PACRG: variants seen among roughly 807,000 people sequenced by gnomAD.
The protein encoded by PACRG is parkin coregulated gene protein.
In PACRG, 29 loss-of-function variants were observed where a neutral mutation model predicts 29.7. That is an observed-to-expected ratio of 0.98 (90% CI 0.73 to 1.33). PACRG has a LOEUF of 1.33. Among genes scored for constraint, PACRG ranks in the 40% most tolerant of loss-of-function variants. The probability of loss-of-function intolerance (pLI) is 0.00; values close to 1 mark genes in which losing one functional copy is unlikely to be tolerated. For synonymous variants in PACRG, 116 were observed against 118.7 expected (o/e 0.98, Z 0.15); for missense variants, 279 against 316.2 (o/e 0.88, Z 0.89).
chr6:162,835,092 A>G (rs1455386015), intron 2 of PACRG, among the ~76,000 whole-genome samples: 1 of 152,034 alleles, frequency 6.6e-6, no homozygotes, highest in Non-Finnish European at 1.5e-5. Flanking sequence ...ATTTCCTTCC[A>G]TTGTTTGAAG....
At chr6:162,794,770 C>A (rs1785236255) in intron 1 of PACRG, among the ~76,000 whole-genome samples, 1 of 152,148 alleles carries the variant, frequency 6.6e-6, no homozygotes, top group Admixed American at 6.5e-5. Context: ...TTATTGAACA[C>A]CTGTTCTGTA....
chr6:162,936,537 A>G (rs1181911237), intron 2 of PACRG, among the ~76,000 whole-genome samples: 3 of 152,232 alleles, frequency 2.0e-5, no homozygotes, highest in Non-Finnish European at 4.4e-5. Flanking sequence ...TGGTAGTGAG[A>G]GGACATTCTG....
chr6:163,145,629 G>A (rs1035349319), intron 4 of PACRG, among the ~76,000 whole-genome samples: 1 of 152,222 alleles, frequency 6.6e-6, no homozygotes, highest in Non-Finnish European at 1.5e-5. Flanking sequence ...TGGCCATGCT[G>A]CTGAACATCC....
chr6:162,767,168 C>G (rs1439462699), intron 1 of PACRG, among the ~76,000 whole-genome samples: 1 of 151,770 alleles, frequency 6.6e-6, no homozygotes, highest in Non-Finnish European at 1.5e-5. Flanking sequence ...TCCATATGTT[C>G]TATATTTTAT....
chr6:162,819,736 C>T (rs967752155), intron 2 of PACRG, among the ~76,000 whole-genome samples: 16 of 152,188 alleles, frequency 1.1e-4, no homozygotes, highest in African/African-American at 2.7e-4. Context: ...TCTCTTGCTT[C>T]GTAGGCCTCA....
At chr6:163,308,873 A>G (rs994964830) in intron 4 of PACRG, among the ~76,000 whole-genome samples, 1 of 152,204 alleles carries the variant, frequency 6.6e-6, no homozygotes. Flanking sequence ...AGCCAGCTTT[A>G]GCTGTGACTG....
Position 162,865,755 on chromosome 6 carries a change from G to T in PACRG, c.291+51474G>T, listed in dbSNP as rs560310084. On this transcript the variant is annotated intron_variant, in intron 2 of 4. Transcript: ENST00000366888. ...GCATTCAGAAAGGCTCGAATTAACTGGAACATAGCTAAATAGAACCTTTAA... is the reference window on the plus strand; with the variant it reads ...GCATTCAGAAAGGCTCGAATTAACTTGAACATAGCTAAATAGAACCTTTAA... Among the ~76,000 whole-genome samples, 198 of 152,044 alleles carry T rather than the reference G, an allele frequency of 1.3e-3. 1 individual carries two copies. Among genetic ancestry groups the T allele is most frequent in the African/African-American group, 4.7e-3 (193 of 41,492 alleles).
At chr6:162,818,617 A>G (rs555661752) in intron 2 of PACRG, among the ~76,000 whole-genome samples, 35 of 152,342 alleles carry the variant, frequency 2.3e-4, no homozygotes, top group African/African-American at 7.9e-4. Flanking sequence ...AAATAACTAT[A>G]TCATATTATA....
chr6:163,298,424 G>C (rs565855592), intron 4 of PACRG, among the ~76,000 whole-genome samples: 1 of 152,206 alleles, frequency 6.6e-6, no homozygotes, highest in African/African-American at 2.4e-5. Flanking sequence ...GCAGGCACCC[G>C]TATGTGTTGC....
At chr6:162,846,730 G>A (rs1309254991) in intron 2 of PACRG, among the ~76,000 whole-genome samples, 1 of 152,160 alleles carries the variant, frequency 6.6e-6, no homozygotes, top group Admixed American at 6.5e-5. Context: ...TCCACTTTTG[G>A]CTTTTTGTAG....
At chr6:163,004,189 A>G (rs1346498835) in intron 2 of PACRG, among the ~76,000 whole-genome samples, 2 of 150,956 alleles carry the variant, frequency 1.3e-5, no homozygotes, top group Non-Finnish European at 3.0e-5. Flanking sequence ...TAATATTTGA[A>G]CATATATATT....
chr6:162,792,876 G>A (rs536526827), intron 1 of PACRG, among the ~76,000 whole-genome samples: 2 of 152,282 alleles, frequency 1.3e-5, no homozygotes, highest in East Asian at 3.9e-4. Context: ...CCATTCAGGA[G>A]CCAGAATGCA....
intron 2 of PACRG, among the ~76,000 whole-genome samples, chr6:162,965,748 T>C (rs1800971599): frequency 6.6e-6 from 1 of 152,206 alleles, no homozygotes; most frequent in Admixed American, 6.5e-5. Context: ...TCATGGAAAC[T>C]CACAGCCAAT....
At chr6:162,957,207 G>C (rs1394147115) in intron 2 of PACRG, 11 of 385,590 alleles carry the variant, frequency 2.9e-5, no homozygotes, top group Non-Finnish European at 5.6e-5. Context: ...GTGGGGCCCA[G>C]CTTATGCCTT....
At chr6:163,215,167 G>C (rs755894211) in intron 4 of PACRG, among the ~76,000 whole-genome samples, 3 of 151,698 alleles carry the variant, frequency 2.0e-5, no homozygotes, top group Non-Finnish European at 4.4e-5. Context: ...ATTATGTAAA[G>C]ATTTTTGTAA....
At chr6:162,838,733 C>A (rs1366259306) in intron 2 of PACRG, among the ~76,000 whole-genome samples, 27 of 102,430 alleles carry the variant, frequency 2.6e-4, no homozygotes, top group African/African-American at 1.0e-3. Flanking sequence ...CCAATGCTAT[C>A]CCTCCCCCCT....
chr6:163,193,460 G>C (rs1780307498), intron 4 of PACRG, among the ~76,000 whole-genome samples: 1 of 152,114 alleles, frequency 6.6e-6, no homozygotes, highest in Non-Finnish European at 1.5e-5. Flanking sequence ...CTCTGATTAA[G>C]TGTGGAAAAC....
chr6:163,003,423 A>G (rs1248851441), intron 2 of PACRG, among the ~76,000 whole-genome samples: 2 of 152,334 alleles, frequency 1.3e-5, no homozygotes, highest in Middle Eastern at 3.4e-3. Context: ...AGGGAAGAGG[A>G]AATTGAGCCT....
At chr6:163,038,818 C>T (rs1808434468) in intron 2 of PACRG, among the ~76,000 whole-genome samples, 1 of 152,140 alleles carries the variant, frequency 6.6e-6, no homozygotes, top group Non-Finnish European at 1.5e-5. Flanking sequence ...GCTCTCTGAG[C>T]TGGGTGCAAA....
Sources: gnomAD v4.1 joint callset for allele counts (sites outside exome capture counted in the v4.1 genomes callset) on GRCh38, gnomAD v4.1.1 for gene constraint, MANE v1.5 for transcripts, NCBI Gene and HGNC (gene_info 2026-07-23, HGNC 2026-07-21) for gene names.